The following FAM9A variants were observed in gnomAD, a reference collection of about 807,000 sequenced individuals.
FAM9A encodes protein FAM9A.
In FAM9A, 49 loss-of-function variants were observed where a neutral mutation model predicts 25.0. The ratio of observed to expected loss-of-function variants is 1.96; its 90% CI spans 1.56 to 2.48. The LOEUF (loss-of-function observed/expected upper bound fraction) is 2.48, where lower values mean the gene tolerates loss of function less well. Among genes scored for constraint, FAM9A ranks in the 30% most tolerant of loss-of-function variants. The probability of loss-of-function intolerance (pLI) is 0.00; values close to 1 mark genes in which losing one functional copy is unlikely to be tolerated. For missense variants in FAM9A, 266 were observed against 249.3 expected (o/e 1.07, Z -0.45); for synonymous variants, 80 against 85.1 (o/e 0.94, Z 0.33).
intron 1 of FAM9A, among the ~76,000 whole-genome samples, chrX:8,800,683 A>C (rs1602072177): frequency 1.2e-5 from 1 of 82,507 alleles, no homozygotes; most frequent in Non-Finnish European, 2.4e-5. Flanking sequence ...CCCCCACAAC[A>C]CCCCTGCTTG....
chrX:8,791,300 T>TA lies in FAM9A; in HGVS notation c.*10dup. ...CTTACAGTTCTGACACGATTCTTTT[T>TA]AAAAACACGGCTAGTTATCAAGTTC... On this transcript the variant is annotated 3_prime_UTR_variant, in exon 9 of 10. Coordinates refer to ENST00000381003, the MANE Select transcript of FAM9A (RefSeq NM_174951.3). 8.3e-7 allele frequency: 1 copy of TA among 1,197,784 alleles called. No individual in the cohort carries two copies. The highest frequency in any genetic ancestry group is 1.1e-6 in the Non-Finnish European group (1 of 887,173).
Position 8,798,157 on chromosome X carries a change from A to G in FAM9A, c.366T>C (p.His122=). 7.5e-6 allele frequency: 9 copies of G among 1,204,694 alleles called. No individual in the cohort carries two copies. The highest frequency in any genetic ancestry group is 1.0e-5 in the Non-Finnish European group (9 of 891,742). The change falls in exon 5 of 10, where the codon CAT becomes CAC. Residue 122 remains histidine (H), a synonymous_variant. Coordinates refer to ENST00000381003, the MANE Select transcript of FAM9A (RefSeq NM_174951.3). ...HTGIHTMKLE[H]IAADIKKGLA... is the part of the protein sequence containing the mutation. ...ATAGCTCCTAAAACATACCTGCAAT[A>G]TGTTCTAGCTTCATGGTATGAATCC...
At position 8,798,460 on chromosome X, in the gene FAM9A, A is replaced by G. The variant is rs1933558838; in HGVS notation, c.240T>C (p.Asp80=). The change falls in exon 4 of 10, where the codon GAT becomes GAC. Residue 80 remains aspartate, a synonymous_variant. Coordinates refer to ENST00000381003, the MANE Select transcript of FAM9A (RefSeq NM_174951.3). ...TAAAAGGGTTTCTTTCCTCACATTC[A>G]TCACGGACTGGATCCTTTCCTGCAT... ...KKHTGKDPVR[D]ECEERNPFTE... 5.0e-6 allele frequency: 6 copies of G among 1,209,740 alleles called. No homozygotes were observed. The South Asian group carries it at 7.1e-5, about 14-fold the overall frequency.
intron 6 of FAM9A, 33 bp downstream of exon 6, chrX:8,796,235 A>C (rs1366691311): frequency 9.8e-7 from 1 of 1,018,638 alleles, no homozygotes; most frequent in African/African-American, 1.9e-5. Context: ...AAATGATATA[A>C]ATATCATTAT....
chrX:8,800,023 G>C (rs1338109047), intron 2 of FAM9A, 58 bp downstream of exon 2: 3 of 1,153,472 alleles, frequency 2.6e-6, no homozygotes, highest in Non-Finnish European at 2.3e-6. Context: ...CAGGGGTCTC[G>C]GGCTGCCCAT....
intron 2 of FAM9A, 136 bp downstream of exon 2, chrX:8,799,945 C>T (rs1034119217): frequency 1.5e-6 from 1 of 659,061 alleles, no homozygotes; most frequent in East Asian, 3.6e-5. Flanking sequence ...ATGCCAGGGC[C>T]ATTTCCTGCT....
chrX:8,798,164 A>G lies in FAM9A; in HGVS notation c.359T>C (p.Leu120Pro). 8.3e-7 allele frequency: 1 copy of G among 1,205,457 alleles called. No homozygotes were observed. The highest frequency in any genetic ancestry group is 1.1e-6 in the Non-Finnish European group (1 of 892,292). Residue 120 changes from leucine (L) to proline (P), a missense_variant, in exon 5 of 10, where the codon CTA becomes CCA. Transcript: ENST00000381003. ...CTAAAACATACCTGCAATATGTTCT[A>G]GCTTCATGGTATGAATCCTGTAAAA... ...DEHTGIHTMK[L>P]EHIAADIKKG...
At chrX:8,797,311 AT>A (rs975920305) in intron 5 of FAM9A, among the ~76,000 whole-genome samples, 2 of 110,468 alleles carry the variant, frequency 1.8e-5, no homozygotes, top group South Asian at 7.7e-4. Flanking sequence ...AATTTTCTCA[AT>A]TTTTTTTTGA....
At chrX:8,792,076 C>CA (rs916274053) in intron 8 of FAM9A, among the ~76,000 whole-genome samples, 32 of 110,846 alleles carry the variant, frequency 2.9e-4, no homozygotes, top group African/African-American at 1.0e-3. Context: ...TGGTCTTAGT[C>CA]AAAAAAAAAT....
chrX:8,800,016 G>A (rs1455421927), intron 2 of FAM9A, 65 bp downstream of exon 2: 6 of 1,132,361 alleles, frequency 5.3e-6, no homozygotes, highest in Non-Finnish European at 6.0e-6. Context: ...AAGGGGCCAG[G>A]GGTCTCGGGC....
intron 7 of FAM9A, 72 bp from the exon 8 acceptor site, chrX:8,793,828 C>A: frequency 1.4e-6 from 1 of 695,733 alleles, no homozygotes; most frequent in East Asian, 3.3e-5. Context: ...TCTGCATTAG[C>A]TTTATAGGAA....
intron 5 of FAM9A, 129 bp downstream of exon 5, chrX:8,798,021 G>T: frequency 1.6e-6 from 1 of 607,637 alleles, no homozygotes; most frequent in Non-Finnish European, 2.5e-6. Flanking sequence ...AAATACATAT[G>T]TTAAATGCTA....
intron 1 of FAM9A, among the ~76,000 whole-genome samples, chrX:8,800,548 C>T (rs1378335639): frequency 9.0e-6 from 1 of 110,615 alleles, no homozygotes; most frequent in African/African-American, 3.3e-5. Context: ...ACCTCCCCAG[C>T]CATCTCTGGG....
intron 8 of FAM9A, among the ~76,000 whole-genome samples, chrX:8,791,894 G>A (rs1933474676): frequency 1.8e-5 from 2 of 111,631 alleles, no homozygotes; most frequent in South Asian, 7.4e-4. Flanking sequence ...TAATGCTAAG[G>A]AAGATGTAAA....
chrX:8,796,410 A>G (rs754576578), intron 5 of FAM9A, 28 bp from the exon 6 acceptor site: 1 of 1,020,554 alleles, frequency 9.8e-7, no homozygotes, highest in African/African-American at 1.9e-5. Context: ...ATGCATTAAA[A>G]GTTAATGTTG....
intron 5 of FAM9A, among the ~76,000 whole-genome samples, chrX:8,797,934 C>T (rs1301522481): frequency 8.9e-6 from 1 of 111,882 alleles, no homozygotes; most frequent in African/African-American, 3.3e-5. Flanking sequence ...CTCACTTCAC[C>T]ATTGTTAGAA....
In FAM9A at chrX:8,801,333, TC is replaced by T; in HGVS notation, c.-62del. 9.2e-6 allele frequency: 1 copy of T among 109,240 alleles called. No homozygotes were observed. The highest frequency in any genetic ancestry group is 4.8e-3 in the Middle Eastern group (1 of 208). The allele number at this position is 109,240 out of a possible 1,213,427, so 9.0% of individuals were successfully genotyped here. A position where few individuals can be genotyped will look rare whatever the true frequency, so the allele number is the denominator to read the frequency against. On this transcript the variant is annotated 5_prime_UTR_variant, in exon 1 of 10. Transcript: ENST00000381003. ...CACCTGAGGGACCCCTGATGCCGCT[TC>T]CTCACAGAACCTGCAGGCACTGGCA...
chrX:8,800,036 G>T, intron 2 of FAM9A, 45 bp downstream of exon 2: 1 of 1,184,515 alleles, frequency 8.4e-7, no homozygotes, highest in Non-Finnish European at 1.1e-6. Flanking sequence ...CTGCCCATGT[G>T]CCCCCCGCGC....
Position 8,799,349 on chromosome X carries a change from C to A in FAM9A, c.92-255G>T, listed in dbSNP as rs771422080. Among the ~76,000 whole-genome samples the A allele has an allele frequency of 1.9e-3, 207 of 110,597 alleles. 2 individuals are homozygous for A. The highest frequency in any genetic ancestry group is 6.6e-3 in the African/African-American group (199 of 30,338). On this transcript the variant is annotated intron_variant, in intron 2 of 9. Coordinates refer to ENST00000381003, the MANE Select transcript of FAM9A (RefSeq NM_174951.3). ...CCCCTGCAGGATCCTTGCGGTGTCC[C>A]TGGGACAGAGCTCAGCCCTGCCCCT...
Sources: allele counts gnomAD v4.1 joint callset (sites outside exome capture counted in the v4.1 genomes callset), GRCh38; gene constraint gnomAD v4.1.1; transcripts MANE v1.5; gene names NCBI Gene and HGNC (gene_info 2026-07-23, HGNC 2026-07-21).